AGBL1: variants seen among roughly 807,000 people sequenced by gnomAD.
AGBL1 encodes AGBL carboxypeptidase 1, also known as cytosolic carboxypeptidase 4.
AGBL1 carries 130 observed loss-of-function variants against 118.9 expected under a neutral mutation model. The observed-to-expected ratio is 1.09, with a 90% CI of 0.95 to 1.26. The LOEUF (loss-of-function observed/expected upper bound fraction) is 1.26, where lower values mean the gene tolerates loss of function less well. Ranked by LOEUF, AGBL1 falls within the 50% of genes most tolerant of loss-of-function variation. The pLI, the probability that AGBL1 is intolerant of heterozygous loss-of-function variation, is 0.00. For synonymous variants in AGBL1, 555 were observed against 478.9 expected (o/e 1.16, Z -2.08); for missense variants, 1,584 against 1,298.1 (o/e 1.22, Z -3.38).
Position 86,079,939 on chromosome 15 carries a change from C to G in AGBL1, c.-34C>G. 1 of 1,230,070 alleles carries G rather than the reference C, an allele frequency of 8.1e-7. No homozygotes were observed. Among genetic ancestry groups the G allele is most frequent in the Non-Finnish European group, 1.0e-6 (1 of 986,012 alleles). 76.2% of individuals were successfully genotyped at this position (1,230,070 alleles called of 1,614,324 possible). ...GCTGCCTCTCCAGCCTGGATCTGGC[C>G]GCAGGCAGCGGTTCCCTAGGACCCG... On this transcript the variant is annotated 5_prime_UTR_variant, in exon 1 of 23. Transcript: ENST00000614907.
intron 24 of AGBL1, among the ~76,000 whole-genome samples, chr15:87,008,433 G>T (rs1257687004): frequency 1.3e-5 from 2 of 152,148 alleles, no homozygotes; most frequent in African/African-American, 4.8e-5. Flanking sequence ...TGATTGTGAG[G>T]TCTCCCCAGC....
At chr15:86,399,250 G>A (rs1489046314) in intron 18 of AGBL1, among the ~76,000 whole-genome samples, 3 of 152,126 alleles carry the variant, frequency 2.0e-5, no homozygotes, top group African/African-American at 7.2e-5. Context: ...TTCCTTTAAT[G>A]GCAGAGAACA....
At chr15:86,439,380 G>A (rs2082035424) in intron 18 of AGBL1, among the ~76,000 whole-genome samples, 1 of 152,104 alleles carries the variant, frequency 6.6e-6, no homozygotes, top group African/African-American at 2.4e-5. Context: ...ATCTCGTTCA[G>A]CTGAATTCCC....
At chr15:86,459,916 C>G (rs1315554462) in intron 18 of AGBL1, among the ~76,000 whole-genome samples, 2 of 151,954 alleles carry the variant, frequency 1.3e-5, no homozygotes, top group Non-Finnish European at 2.9e-5. Context: ...CAGTGATTTG[C>G]TATATGATGG....
At chr15:86,524,413 C>T (rs182695777) in intron 19 of AGBL1, among the ~76,000 whole-genome samples, 1 of 152,278 alleles carries the variant, frequency 6.6e-6, no homozygotes, top group Admixed American at 6.5e-5. Flanking sequence ...TGGCAGAGTA[C>T]AGGAGAGACA....
chr15:86,254,587 G>T (rs1025444696), intron 7 of AGBL1, among the ~76,000 whole-genome samples: 1 of 152,200 alleles, frequency 6.6e-6, no homozygotes, highest in African/African-American at 2.4e-5. Context: ...CCAAGTAGCA[G>T]ATGTGTTATT....
intron 18 of AGBL1, among the ~76,000 whole-genome samples, chr15:86,461,067 G>A (rs551684838): frequency 2.6e-5 from 4 of 152,132 alleles, no homozygotes; most frequent in Admixed American, 2.0e-4. Context: ...CTAGGTCAGT[G>A]GATGTCAACC....
intron 18 of AGBL1, among the ~76,000 whole-genome samples, chr15:86,401,798 A>G (rs1284876079): frequency 1.3e-5 from 2 of 152,136 alleles, no homozygotes; most frequent in African/African-American, 4.8e-5. Flanking sequence ...ATTTTGTTCC[A>G]TTGGTCTACA....
chr15:86,876,870 C>T (rs148827716), intron 22 of AGBL1, among the ~76,000 whole-genome samples: 11 of 152,260 alleles, frequency 7.2e-5, no homozygotes, highest in Non-Finnish European at 1.3e-4. Flanking sequence ...AATAATGATA[C>T]CTATCTCTAG....
chr15:86,447,045 T>C (rs2142063307), intron 18 of AGBL1, among the ~76,000 whole-genome samples: 1 of 152,114 alleles, frequency 6.6e-6, no homozygotes, highest in Non-Finnish European at 1.5e-5. Flanking sequence ...GAAGTTTTGA[T>C]ATAGGGCCCA....
At chr15:86,468,122 G>A (rs979188004) in intron 18 of AGBL1, among the ~76,000 whole-genome samples, 1 of 152,068 alleles carries the variant, frequency 6.6e-6, no homozygotes, top group Non-Finnish European at 1.5e-5. Flanking sequence ...GACAGATAGG[G>A]AACTTCCTAC....
chr15:86,343,405 T>A (rs1207260337), intron 17 of AGBL1, among the ~76,000 whole-genome samples: 3 of 152,148 alleles, frequency 2.0e-5, no homozygotes, highest in African/African-American at 4.8e-5. Context: ...CCTTGTGTCT[T>A]GAGGCTAGGG....
At chr15:86,830,371 T>A (rs74841654) in intron 22 of AGBL1, among the ~76,000 whole-genome samples, 15,454 of 151,674 alleles carry the variant, frequency 0.1, 950 homozygotes, top group Non-Finnish European at 0.14. Flanking sequence ...TTATTTTTTT[T>A]AAAAAAAACA....
chr15:86,715,934 C>T (rs191373747), intron 22 of AGBL1, among the ~76,000 whole-genome samples: 32 of 151,648 alleles, frequency 2.1e-4, no homozygotes, highest in Admixed American at 1.3e-3. Context: ...TGGTGGGTGC[C>T]GAGTAGTCCC....
At chr15:86,137,930 C>T (rs2076910947) in intron 1 of AGBL1, among the ~76,000 whole-genome samples, 1 of 152,106 alleles carries the variant, frequency 6.6e-6, no homozygotes, top group South Asian at 2.1e-4. Context: ...TTAATATATA[C>T]CATATGCCCA....
At chr15:86,778,757 A>G (rs1314511166) in intron 22 of AGBL1, among the ~76,000 whole-genome samples, 1 of 152,182 alleles carries the variant, frequency 6.6e-6, no homozygotes, top group African/African-American at 2.4e-5. Flanking sequence ...CAATCATCAC[A>G]TGGTCCTGAG....
intron 18 of AGBL1, among the ~76,000 whole-genome samples, chr15:86,455,834 A>C (rs1043494110): frequency 3.3e-5 from 5 of 152,156 alleles, no homozygotes; most frequent in African/African-American, 1.2e-4. Context: ...TAGAGGTAGT[A>C]AGTGGCAGAG....
At chr15:86,316,483 T>G (rs2080012411) in intron 17 of AGBL1, among the ~76,000 whole-genome samples, 1 of 152,180 alleles carries the variant, frequency 6.6e-6, no homozygotes, top group Admixed American at 6.5e-5. Flanking sequence ...CTCTCATGCC[T>G]GCTCTACCCC....
chr15:86,571,567 C>T lies in AGBL1; in HGVS notation c.2994+17030C>T, dbSNP rs533400329. 4.6e-3 allele frequency among the ~76,000 whole-genome samples: 698 copies of T among 152,270 alleles called. 12 individuals carry two copies. The highest frequency in any genetic ancestry group is 6.4e-3 in the South Asian group (31 of 4,828). Reference sequence around the variant, plus strand: ...TCACAGCAAAGAGGGTGGTTCCTCTCTGCTAGGCAGGTCATCCTGATGAGT... The same window carrying T: ...TCACAGCAAAGAGGGTGGTTCCTCTTTGCTAGGCAGGTCATCCTGATGAGT... On this transcript the variant is annotated intron_variant, in intron 21 of 22. Transcript: ENST00000614907.
Sources: allele counts gnomAD v4.1 joint callset (sites outside exome capture counted in the v4.1 genomes callset), GRCh38; gene constraint gnomAD v4.1.1; transcripts MANE v1.5; gene names NCBI Gene and HGNC (gene_info 2026-07-23, HGNC 2026-07-21).